Variants in MRPL14 observed in about 807,000 individuals in gnomAD.
The protein encoded by MRPL14 is large ribosomal subunit protein uL14m.
In MRPL14, 8 loss-of-function variants were observed where a neutral mutation model predicts 10.9. The ratio of observed to expected loss-of-function variants is 0.74; its 90% confidence interval spans 0.43 to 1.33. MRPL14 has a LOEUF of 1.33. Among genes scored for constraint, MRPL14 ranks in the 40% most tolerant of loss-of-function variants. The probability of loss-of-function intolerance (pLI) is 0.01; values close to 1 mark genes in which losing one functional copy is unlikely to be tolerated. For synonymous variants in MRPL14, 82 were observed against 74.1 expected (o/e 1.11, Z -0.54); for missense variants, 179 against 194.5 (o/e 0.92, Z 0.47).
chr6:44,116,017 T>C (rs1775813393), intron 2 of MRPL14, among the ~76,000 whole-genome samples: 1 of 152,222 alleles, frequency 6.6e-6, no homozygotes, highest in African/African-American at 2.4e-5. Context: ...TTCATCTCTG[T>C]ATGGCCAACC....
chr6:44,126,081 A>C (rs72856000), intron 1 of MRPL14, among the ~76,000 whole-genome samples: 1 of 152,356 alleles, frequency 6.6e-6, no homozygotes, highest in Non-Finnish European at 1.5e-5. Context: ...TATTCCTGGC[A>C]TGCTAACTGC....
chr6:44,126,598 ACCT>A (rs996503278), intron 1 of MRPL14, among the ~76,000 whole-genome samples: 1 of 152,080 alleles, frequency 6.6e-6, no homozygotes, highest in Non-Finnish European at 1.5e-5. Context: ...TGCCCTTTTA[ACCT>A]CTTTATAAAT....
rs547905751 is a variant in MRPL14, at chr6:44,122,851, G to C, written c.-19+4493C>G. Among the ~76,000 whole-genome samples, 13 of 152,262 alleles carry C rather than the reference G, an allele frequency of 8.5e-5. No individual in the cohort carries two copies. In the East Asian group the frequency reaches 1.2e-3, roughly 14 times the overall value. ...AGCTCTAATAAATCAAAAACAAAAAGGAATTCTTGGGACCCTCTGTCCTGT... is the reference window on the plus strand; with the variant it reads ...AGCTCTAATAAATCAAAAACAAAAACGAATTCTTGGGACCCTCTGTCCTGT... On this transcript the variant is annotated intron_variant, in intron 1 of 2. Coordinates refer to ENST00000372014, the MANE Select transcript of MRPL14 (RefSeq NM_032111.4).
intron 1 of MRPL14, among the ~76,000 whole-genome samples, chr6:44,122,035 G>A (rs1776482401): frequency 6.6e-6 from 1 of 151,528 alleles, no homozygotes; most frequent in Admixed American, 6.6e-5. Context: ...CCTTCACCCA[G>A]GCTCCCAGTG....
At chr6:44,116,456 C>A in intron 2 of MRPL14, 85 bp downstream of exon 2, 1 of 1,372,568 alleles carries the variant, frequency 7.3e-7, no homozygotes, top group East Asian at 2.3e-5. Context: ...TGAGTTTTTA[C>A]TCCTGTTCTA....
intron 1 of MRPL14, among the ~76,000 whole-genome samples, chr6:44,126,044 A>C (rs1185310202): frequency 3.9e-5 from 6 of 152,240 alleles, no homozygotes; most frequent in Admixed American, 3.9e-4. Flanking sequence ...ACCTCCGTGA[A>C]GAAGATCCAC....
chr6:44,118,044 T>C (rs907141156), intron 1 of MRPL14, among the ~76,000 whole-genome samples: 5 of 152,050 alleles, frequency 3.3e-5, no homozygotes, highest in Non-Finnish European at 5.9e-5. Flanking sequence ...TACTCCCAAA[T>C]GTTTTCCTTA....
chr6:44,115,957 G>A (rs904294907), intron 2 of MRPL14, among the ~76,000 whole-genome samples: 2 of 152,166 alleles, frequency 1.3e-5, no homozygotes, highest in African/African-American at 4.8e-5. Flanking sequence ...TTTCAAGTTT[G>A]CTCCTGTGGC....
rs1427381457 is a variant in MRPL14, at chr6:44,113,954, C to T, written c.327G>A (p.Glu109=). ...RFDSNNVVLI[E]DNGNPVGTRI... ...GTGTCCCCACAGGGTTCCCGTTGTC[C>T]TCAATGAGGACCACGTTGTTGGAGT... The change falls in exon 3 of 3, where the codon GAG becomes GAA. Residue 109 remains glutamate, a synonymous_variant. Transcript: ENST00000372014. 5.0e-6 allele frequency: 8 copies of T among 1,613,872 alleles called. No homozygotes were observed. The South Asian group carries it at 5.5e-5, about 11-fold the overall frequency.
chr6:44,113,950 T>C lies in MRPL14; in HGVS notation c.331A>G (p.Asn111Asp). The C allele has an allele frequency of 1.2e-6, 2 of 1,613,922 alleles. No homozygotes were observed. The highest frequency in any genetic ancestry group is 1.7e-6 in the Non-Finnish European group (2 of 1,179,780). The change falls in exon 3 of 3, where the codon AAC becomes GAC. Residue 111 changes from asparagine (N) to aspartate (D), a missense_variant. Physicochemically the swap from Asn to Asp is conservative, Grantham distance 23. Transcript: ENST00000372014. Reference sequence around the variant, plus strand: ...ATTCGTGTCCCCACAGGGTTCCCGTTGTCCTCAATGAGGACCACGTTGTTG... The same window carrying C: ...ATTCGTGTCCCCACAGGGTTCCCGTCGTCCTCAATGAGGACCACGTTGTTG... The part of the protein sequence containing the change: ...DSNNVVLIED[N>D]GNPVGTRIKT...
At chr6:44,120,354 C>T (rs1351341241) in intron 1 of MRPL14, among the ~76,000 whole-genome samples, 1 of 152,206 alleles carries the variant, frequency 6.6e-6, no homozygotes, top group Non-Finnish European at 1.5e-5. Flanking sequence ...ATCCAAAATT[C>T]AGAAACCAGA....
At chr6:44,122,122 G>A (rs920271174) in intron 1 of MRPL14, among the ~76,000 whole-genome samples, 6 of 150,542 alleles carry the variant, frequency 4.0e-5, no homozygotes, top group South Asian at 2.1e-4. Flanking sequence ...CTGCTCTGTC[G>A]CCCTGGCTGG....
chr6:44,113,713 T>C lies in MRPL14; in HGVS notation c.*130A>G. ...AACACATAAATGAATACATTTATTC[T>C]CTCACAGGATACTACACTGTTACCC... On this transcript the variant is annotated 3_prime_UTR_variant, in exon 3 of 3. Transcript: ENST00000372014. The C allele has an allele frequency of 1.1e-6, 1 of 891,304 alleles. No individual in the cohort carries two copies. Among genetic ancestry groups the C allele is most frequent in the Non-Finnish European group, 1.6e-6 (1 of 616,526 alleles). 55.2% of individuals were successfully genotyped at this position (891,304 alleles called of 1,614,324 possible).
rs151251884 is a variant in MRPL14, at chr6:44,120,233, G to C, written c.-18-3604C>G. Among the ~76,000 whole-genome samples, 12 of 152,302 alleles carry C rather than the reference G, an allele frequency of 7.9e-5. 1 individual carries two copies. In the East Asian group the frequency reaches 2.3e-3, roughly 29 times the overall value. On this transcript the variant is annotated intron_variant, in intron 1 of 2. Transcript: ENST00000372014. ...TGAACACTGGGACATCCTTGTGCCA[G>C]TGCAACACTCACTGAACCAATATTC...
At chr6:44,125,708 A>G (rs569937029) in intron 1 of MRPL14, among the ~76,000 whole-genome samples, 4 of 151,288 alleles carry the variant, frequency 2.6e-5, no homozygotes, top group African/African-American at 9.7e-5. Context: ...TCAGAAATCC[A>G]AAAACCAGAC....
chr6:44,115,188 C>CA (rs1562097615), intron 2 of MRPL14, among the ~76,000 whole-genome samples: 43 of 91,666 alleles, frequency 4.7e-4, no homozygotes, highest in Admixed American at 2.1e-3. Context: ...CCTCTTCTCT[C>CA]GTTTTTTATG....
chr6:44,123,353 C>T (rs527381830), intron 1 of MRPL14, among the ~76,000 whole-genome samples: 1 of 152,212 alleles, frequency 6.6e-6, no homozygotes, highest in African/African-American at 2.4e-5. Context: ...CACTAATAAG[C>T]TACATGGATA....
intron 1 of MRPL14, among the ~76,000 whole-genome samples, chr6:44,126,638 CAA>C (rs1169115655): frequency 6.6e-6 from 1 of 150,528 alleles, no homozygotes; most frequent in Non-Finnish European, 1.5e-5. Context: ...CTTACGGTGG[CAA>C]AGTTCATTTA....
intron 1 of MRPL14, chr6:44,126,962 G>C (rs1016280746): frequency 1.3e-5 from 2 of 152,288 alleles, no homozygotes; most frequent in African/African-American, 2.4e-5. Context: ...GTTGGGAAAG[G>C]GGAGGGGAGC....
Sources: allele counts gnomAD v4.1 joint callset (sites outside exome capture counted in the v4.1 genomes callset), GRCh38; gene constraint gnomAD v4.1.1; transcripts MANE v1.5; gene names NCBI Gene and HGNC (gene_info 2026-07-23, HGNC 2026-07-21).